Variants in NELL2 observed in about 807,000 individuals in gnomAD.
NELL2 encodes the protein protein kinase C-binding protein NELL2.
NELL2 carries 41 observed loss-of-function variants against 109.6 expected under a neutral mutation model. The ratio of observed to expected loss-of-function variants is 0.37; its 90% CI spans 0.29 to 0.49. The LOEUF is 0.49. Among genes scored for constraint, NELL2 ranks in the 20% least tolerant of loss-of-function variants. The pLI is 0.98. For missense variants in NELL2, 900 were observed against 1,008.3 expected (o/e 0.89, Z 1.45); for synonymous variants, 355 against 344.7 (o/e 1.03, Z -0.33).
chr12:44,708,422 T>G (rs1348650740), intron 11 of NELL2, among the ~76,000 whole-genome samples: 1 of 152,152 alleles, frequency 6.6e-6, no homozygotes, highest in African/African-American at 2.4e-5. Context: ...TCAGGGAATA[T>G]TTACTAACTG....
chr12:44,652,256 C>T lies in NELL2; in HGVS notation c.1444+13228G>A, dbSNP rs149614379. Among the ~76,000 whole-genome samples, 3 of 152,248 alleles carry T rather than the reference C, an allele frequency of 2.0e-5. No individual in the cohort carries two copies. The East Asian group carries it at 5.8e-4, about 29-fold the overall frequency. On this transcript the variant is annotated intron_variant, in intron 13 of 19. Transcript: ENST00000429094. ...TTCCAAAATTACTGTCTGTGAACTT[C>T]CTCCACATTATTAAGTTCAGAATCT...
chr12:44,898,051 A>G (rs576847857), intron 1 of NELL2, among the ~76,000 whole-genome samples: 1 of 152,324 alleles, frequency 6.6e-6, no homozygotes, highest in Admixed American at 6.5e-5. Context: ...CCCTGTAGCC[A>G]GACTACCACT....
chr12:44,630,212 A>C (rs1265829446), intron 13 of NELL2, among the ~76,000 whole-genome samples: 2 of 152,184 alleles, frequency 1.3e-5, no homozygotes, highest in Non-Finnish European at 2.9e-5. Flanking sequence ...GAGCACTTAC[A>C]ATGTGCCAAG....
intron 19 of NELL2, 74 bp from the exon 20 acceptor site, chr12:44,509,058 T>G: frequency 8.1e-7 from 1 of 1,236,576 alleles, no homozygotes; most frequent in Non-Finnish European, 1.2e-6. Flanking sequence ...ATTTATTGAT[T>G]GGTACTTACA....
At position 44,531,510 on chromosome 12, in the gene NELL2, T is replaced by G. The variant is rs187294286; in HGVS notation, c.1804+1071A>C. On this transcript the variant is annotated intron_variant, in intron 16 of 19. Coordinates refer to ENST00000429094, the MANE Select transcript of NELL2 (RefSeq NM_001145108.2). ...GCAAATGCCAGGTTTTAGCCCCCAGTAAGGCAACAGCATTCCCATTCCTAG... is the reference window on the plus strand; with the variant it reads ...GCAAATGCCAGGTTTTAGCCCCCAGGAAGGCAACAGCATTCCCATTCCTAG... Among the ~76,000 whole-genome samples the G allele has an allele frequency of 2.1e-3, 318 of 152,216 alleles. 1 individual carries two copies. The highest frequency in any genetic ancestry group is 3.4e-3 in the Non-Finnish European group (232 of 68,012).
chr12:44,769,785 G>A (rs1169328915), intron 9 of NELL2, among the ~76,000 whole-genome samples: 6 of 152,100 alleles, frequency 3.9e-5, no homozygotes, highest in Admixed American at 3.9e-4. Flanking sequence ...AAGTATAACT[G>A]ATCTGCAGTG....
At chr12:44,741,832 C>G (rs1201390512) in intron 9 of NELL2, among the ~76,000 whole-genome samples, 1 of 152,306 alleles carries the variant, frequency 6.6e-6, no homozygotes, top group Non-Finnish European at 1.5e-5. Context: ...TGGGTGGAGC[C>G]CACCACAGCT....
Position 44,587,307 on chromosome 12 carries a change from A to ATATATATATTTT in NELL2, c.1663+19861_1663+19862insAAAATATATATA, listed in dbSNP as rs1302978950. Among the ~76,000 whole-genome samples, 5 of 96,640 alleles carry ATATATATATTTT rather than the reference A, an allele frequency of 5.2e-5. 1 individual carries two copies. Among genetic ancestry groups the ATATATATATTTT allele is most frequent in the African/African-American group, 2.1e-4 (5 of 23,948 alleles). 63.4% of individuals were successfully genotyped at this position (96,640 alleles called of 152,430 possible). A position where few individuals can be genotyped will look rare whatever the true frequency, so the allele number is the denominator to read the frequency against. ...AAAATATATATATATATATATATATATTTTTTTTTAAATATGAAGTTATAT... is the reference window on the plus strand; with the variant it reads ...AAAATATATATATATATATATATATATATATATATTTTTTTTTTTTTAAATATGAAGTTATAT... On this transcript the variant is annotated intron_variant, in intron 15 of 19. Transcript: ENST00000429094.
chr12:44,876,712 G>A (rs982781709), upstream of NELL2: 16 of 1,548,282 alleles, frequency 1.0e-5, no homozygotes, highest in Admixed American at 3.0e-4. Flanking sequence ...TTTAAGCAAA[G>A]GAGGGAAGCC....
At chr12:44,714,038 CATT>C (rs1186131345) in intron 10 of NELL2, among the ~76,000 whole-genome samples, 1 of 151,760 alleles carries the variant, frequency 6.6e-6, no homozygotes, top group Non-Finnish European at 1.5e-5. Flanking sequence ...AGAAATATAA[CATT>C]ATAATTTACA....
chr12:44,541,457 T>C (rs1411737220), intron 15 of NELL2, among the ~76,000 whole-genome samples: 3 of 151,984 alleles, frequency 2.0e-5, no homozygotes, highest in South Asian at 2.1e-4. Context: ...AAAAATGCAA[T>C]GTTAAGACTT....
chr12:44,817,793 A>C (rs985732363), intron 2 of NELL2, among the ~76,000 whole-genome samples: 1 of 152,134 alleles, frequency 6.6e-6, no homozygotes, highest in African/African-American at 2.4e-5. Context: ...TAAAACAAAC[A>C]AACAAACAAA....
chr12:44,640,924 G>A (rs953748461), intron 13 of NELL2, among the ~76,000 whole-genome samples: 3 of 152,078 alleles, frequency 2.0e-5, no homozygotes, highest in Non-Finnish European at 4.4e-5. Flanking sequence ...AGAGCAACAG[G>A]GTTGGAAAGA....
intron 1 of NELL2, among the ~76,000 whole-genome samples, chr12:44,898,631 G>A (rs747397837): frequency 3.9e-5 from 6 of 152,150 alleles, no homozygotes; most frequent in Admixed American, 2.0e-4. Flanking sequence ...AAAGGTAGAC[G>A]AATCCATGAA....
At chr12:44,854,514 C>T (rs139171676) in intron 2 of NELL2, among the ~76,000 whole-genome samples, 21 of 152,190 alleles carry the variant, frequency 1.4e-4, no homozygotes, top group Admixed American at 6.5e-5. Flanking sequence ...AAAGGAAGGA[C>T]GAAATTTACT....
At chr12:44,563,914 C>T (rs891283312) in intron 15 of NELL2, among the ~76,000 whole-genome samples, 1 of 152,164 alleles carries the variant, frequency 6.6e-6, no homozygotes. Context: ...CTGAAAACGT[C>T]CACCATGGTT....
chr12:44,691,779 C>T (rs1948906461), intron 12 of NELL2, among the ~76,000 whole-genome samples: 1 of 152,050 alleles, frequency 6.6e-6, no homozygotes, highest in Non-Finnish European at 1.5e-5. Context: ...CACAACATTC[C>T]CTTGAGCCAA....
chr12:44,803,850 A>G (rs1188938312), intron 3 of NELL2, among the ~76,000 whole-genome samples: 2 of 151,998 alleles, frequency 1.3e-5, no homozygotes, highest in Non-Finnish European at 2.9e-5. Flanking sequence ...AAAAATTAGT[A>G]AATTTTAAAA....
intron 3 of NELL2, among the ~76,000 whole-genome samples, chr12:44,797,408 CA>C (rs993080082): frequency 1.8e-4 from 27 of 151,888 alleles, no homozygotes; most frequent in Non-Finnish European, 7.4e-5. Context: ...AGCAGATGTG[CA>C]AAAAATTTGG....
Sources: allele counts gnomAD v4.1 joint callset (sites outside exome capture counted in the v4.1 genomes callset), GRCh38; gene constraint gnomAD v4.1.1; transcripts MANE v1.5; gene names NCBI Gene and HGNC (gene_info 2026-07-23, HGNC 2026-07-21).